The following DAB1 variants were observed in gnomAD, a reference collection of about 807,000 sequenced individuals.
DAB1 encodes DAB adaptor protein 1, also known as disabled homolog 1.
DAB1 carries 15 observed loss-of-function variants against 64.6 expected under a neutral mutation model. The ratio of observed to expected loss-of-function variants is 0.23; its 90% confidence interval spans 0.16 to 0.36. DAB1 has a LOEUF of 0.36. Among genes scored for constraint, DAB1 ranks in the 10% least tolerant of loss-of-function variants. The pLI, the probability that DAB1 is intolerant of heterozygous loss-of-function variation, is 1.00. For synonymous variants in DAB1, 235 were observed against 251.9 expected (o/e 0.93, Z 0.64); for missense variants, 596 against 706.7 (o/e 0.84, Z 1.78).
Position 58,163,468 on chromosome 1 carries a change from C to A in DAB1, n.310-12880G>T, listed in dbSNP as rs550041405. ...CATCTATAAAGCTGGACAAAATTAG[C>A]AAAATCAACCATCCCAGAGTTGGAA... On this transcript the variant is annotated intron_variant and non_coding_transcript_variant, in intron 4 of 20. Coordinates refer to the DAB1 transcript ENST00000485760. Among the ~76,000 whole-genome samples the A allele has an allele frequency of 5.3e-5, 8 of 152,128 alleles. No individual in the cohort carries two copies. The South Asian group carries it at 6.2e-4, about 12-fold the overall frequency.
In DAB1 at chr1:57,820,427, TA is replaced by T. The variant is rs549983831; in HGVS notation, n.551+63571del. Among the ~76,000 whole-genome samples the T allele has an allele frequency of 2.0e-3, 293 of 148,978 alleles. 4 individuals carry two copies. In the East Asian group the frequency reaches 0.031, roughly 16 times the overall value. ...ACTTATGGTGAAAAGCTTAGTCACT[TA>T]AAAAAAAAAATTAAATCCAGAAGCT... On this transcript the variant is annotated intron_variant and non_coding_transcript_variant, in intron 6 of 20. Transcript: ENST00000485760.
At chr1:58,432,830 T>C (rs1260224941) in intron 3 of DAB1, among the ~76,000 whole-genome samples, 3 of 152,228 alleles carry the variant, frequency 2.0e-5, no homozygotes, top group Non-Finnish European at 4.4e-5. Context: ...CAGAGGAGCC[T>C]ACATGAACTG....
chr1:58,366,026 T>G (rs34942090), intron 3 of DAB1, among the ~76,000 whole-genome samples: 16,322 of 152,212 alleles, frequency 0.11, 950 homozygotes, highest in Middle Eastern at 0.17. Context: ...TACCAGTGAC[T>G]GCTGCCAACC....
chr1:57,078,742 T>C (rs921897880), intron 4 of DAB1, among the ~76,000 whole-genome samples: 3 of 152,178 alleles, frequency 2.0e-5, no homozygotes, highest in Non-Finnish European at 4.4e-5. Context: ...GGTGGAAGTG[T>C]GATTTGGTGC....
intron 6 of DAB1, among the ~76,000 whole-genome samples, chr1:57,706,307 C>T (rs1646966642): frequency 6.7e-6 from 1 of 150,126 alleles, no homozygotes; most frequent in Non-Finnish European, 1.5e-5. Context: ...CCTTCCTTTT[C>T]TCTTTCTTTT....
intron 5 of DAB1, among the ~76,000 whole-genome samples, chr1:57,938,913 G>A (rs1041142824): frequency 6.6e-6 from 1 of 151,798 alleles, no homozygotes; most frequent in Non-Finnish European, 1.5e-5. Flanking sequence ...GCTCAATGCT[G>A]AGCCAAACCA....
intron 4 of DAB1, among the ~76,000 whole-genome samples, chr1:58,225,575 A>T (rs1002796099): frequency 6.6e-6 from 1 of 152,076 alleles, no homozygotes; most frequent in Non-Finnish European, 1.5e-5. Flanking sequence ...ATGTCCAACA[A>T]TGATAGACTG....
intron 7 of DAB1, among the ~76,000 whole-genome samples, chr1:57,647,194 T>C (rs1646202263): frequency 6.6e-6 from 1 of 152,182 alleles, no homozygotes; most frequent in African/African-American, 2.4e-5. Context: ...AAGCTCTCGT[T>C]TCTTCTTTAT....
intron 3 of DAB1, among the ~76,000 whole-genome samples, chr1:58,374,583 C>T (rs1644304791): frequency 7.0e-6 from 1 of 143,244 alleles, no homozygotes; most frequent in African/African-American, 2.6e-5. Context: ...GTTACTGTAG[C>T]CTTGTAGTAT....
chr1:57,618,002 T>C (rs1645808819), intron 7 of DAB1, among the ~76,000 whole-genome samples: 1 of 152,166 alleles, frequency 6.6e-6, no homozygotes, highest in Non-Finnish European at 1.5e-5. Flanking sequence ...GAAGACCCAC[T>C]GAAGGATTTC....
chr1:57,024,899 C>T (rs1646736313), intron 10 of DAB1, among the ~76,000 whole-genome samples: 1 of 152,196 alleles, frequency 6.6e-6, no homozygotes. Context: ...GGCTGCAGTC[C>T]CCTCCCTCAA....
intron 4 of DAB1, among the ~76,000 whole-genome samples, chr1:58,212,558 T>A (rs1490519714): frequency 1.3e-5 from 2 of 152,178 alleles, no homozygotes; most frequent in African/African-American, 4.8e-5. Flanking sequence ...CCCACCATTA[T>A]TCCTTCACCT....
chr1:57,159,336 A>G (rs1660522079), intron 2 of DAB1, among the ~76,000 whole-genome samples: 2 of 152,276 alleles, frequency 1.3e-5, no homozygotes, highest in South Asian at 4.1e-4. Flanking sequence ...CTCTTGAAGC[A>G]CCATTTTCTA....
intron 7 of DAB1, among the ~76,000 whole-genome samples, chr1:57,478,235 C>T (rs965167893): frequency 2.6e-5 from 4 of 152,244 alleles, no homozygotes; most frequent in African/African-American, 9.6e-5. Flanking sequence ...ATTAGAAAGG[C>T]TCTCATAATG....
intron 1 of DAB1, among the ~76,000 whole-genome samples, chr1:57,421,192 G>A (rs1390529808): frequency 6.6e-6 from 1 of 152,158 alleles, no homozygotes; most frequent in East Asian, 1.9e-4. Flanking sequence ...TCCTCTCTGG[G>A]TTGGGAGGAG....
At chr1:58,335,550 A>T (rs542522398) in intron 4 of DAB1, among the ~76,000 whole-genome samples, 3 of 152,248 alleles carry the variant, frequency 2.0e-5, no homozygotes, top group African/African-American at 7.2e-5. Flanking sequence ...TCTCTGGGGC[A>T]ATGCTGTGCA....
At chr1:58,126,814 T>C (rs1350059515) in intron 5 of DAB1, among the ~76,000 whole-genome samples, 4 of 151,316 alleles carry the variant, frequency 2.6e-5, no homozygotes, top group Admixed American at 1.3e-4. Context: ...CTGCATAGTA[T>C]TCCATGGTGT....
intron 14 of DAB1, among the ~76,000 whole-genome samples, chr1:57,005,641 C>T (rs1646039622): frequency 6.6e-6 from 1 of 152,148 alleles, no homozygotes; most frequent in African/African-American, 2.4e-5. Flanking sequence ...GAAATGAAAC[C>T]ATCTGCCTCA....
At chr1:57,537,185 A>T (rs1644740236) in intron 7 of DAB1, among the ~76,000 whole-genome samples, 1 of 152,216 alleles carries the variant, frequency 6.6e-6, no homozygotes, top group Non-Finnish European at 1.5e-5. Context: ...TTGTATAATT[A>T]TACATGTGAG....
Sources: allele counts gnomAD v4.1 joint callset (sites outside exome capture counted in the v4.1 genomes callset), GRCh38; gene constraint gnomAD v4.1.1; transcripts MANE v1.5; gene names NCBI Gene and HGNC (gene_info 2026-07-23, HGNC 2026-07-21).